ADIRF: variants seen among roughly 807,000 people sequenced by gnomAD.
The protein encoded by ADIRF is adipogenesis regulatory factor.
In ADIRF, 9 loss-of-function variants were observed where a neutral mutation model predicts 7.8. The ratio of observed to expected loss-of-function variants is 1.15; its 90% CI spans 0.70 to 2.01. The LOEUF (loss-of-function observed/expected upper bound fraction) is 2.01. Among genes scored for constraint, ADIRF ranks in the 30% most tolerant of loss-of-function variants. ADIRF has a pLI of 0.00. For missense variants in ADIRF, 106 were observed against 98.1 expected, an observed-to-expected ratio of 1.08 and a Z score of -0.34; for synonymous variants, 48 against 39.9, an observed-to-expected ratio of 1.20 and a Z score of -0.77.
At chr10:86,969,447 T>G (rs566683376) in intron 1 of ADIRF, 9 of 152,422 alleles carry the variant, frequency 5.9e-5, no homozygotes, top group East Asian at 3.9e-4. Context: ...TCAGCACACT[T>G]GCCTGACTAA....
Position 86,970,470 on chromosome 10 carries a change from C to A in ADIRF, c.125-6C>A, listed in dbSNP as rs1354135047. The A allele has an allele frequency of 6.2e-7, 1 of 1,611,190 alleles. No homozygotes were observed. Among genetic ancestry groups the A allele is most frequent in the Non-Finnish European group, 8.5e-7 (1 of 1,178,406 alleles). On this transcript the variant is annotated splice_region_variant and splice_polypyrimidine_tract_variant and intron_variant, in intron 2 of 2. Coordinates refer to ENST00000372013, the MANE Select transcript of ADIRF (RefSeq NM_006829.3). ...CTGACCTGCCCTCTCTCCCGCCCTT[C>A]CCCAGCCATGGACCAGCTGGCCAAG...
At chr10:86,970,330 G>C (rs1053028474) in intron 2 of ADIRF, 68 bp downstream of exon 2, 72 of 1,512,966 alleles carry the variant, frequency 4.8e-5, no homozygotes, top group Non-Finnish European at 6.3e-5. Context: ...ATCCCGGCTG[G>C]GGCCCAGGCA....
chr10:86,969,494 C>G (rs1172873473), intron 1 of ADIRF: 1 of 152,280 alleles, frequency 6.6e-6, no homozygotes, highest in Non-Finnish European at 1.5e-5. Flanking sequence ...AAGGCAGGCC[C>G]TTTCCTGTTC....
At chr10:86,970,318 C>A in intron 2 of ADIRF, 56 bp downstream of exon 2, 1 of 1,508,674 alleles carries the variant, frequency 6.6e-7, no homozygotes, top group Non-Finnish European at 8.9e-7. Flanking sequence ...ACTCCCCGCC[C>A]CATCCCGGCT....
At chr10:86,969,617 C>T (rs1589318326) in intron 1 of ADIRF, 1 of 152,290 alleles carries the variant, frequency 6.6e-6, no homozygotes, top group Non-Finnish European at 1.5e-5. Context: ...GATAGTCCGG[C>T]CTTGGAAGTT....
intron 2 of ADIRF, 73 bp from the exon 3 acceptor site, chr10:86,970,403 G>A (rs1309177434): frequency 6.6e-7 from 1 of 1,523,782 alleles, no homozygotes; most frequent in Admixed American, 1.9e-5. Context: ...GGGAGACCCA[G>A]GCCAGGCTAA....
At position 86,970,247 on chromosome 10, in the gene ADIRF, G is replaced by A; in HGVS notation, c.109G>A (p.Glu37Lys). The change falls in exon 2 of 3, where the codon GAG becomes AAG. Residue 37 changes from glutamate (E) to lysine (K), a missense_variant. Physicochemically the swap from Glu to Lys is moderately conservative, Grantham distance 56 (BLOSUM62 1). Transcript: ENST00000372013. ...AAQQVVDQAT[E>K]AGQKAMDQLA... is the part of the protein sequence containing the mutation. ...TCAGCAAGTGGTGGACCAGGCCACA[G>A]AGGCGGGGCAGAAAGGTCTGGTGGG... The A allele has an allele frequency of 6.8e-7, 1 of 1,460,296 alleles. No individual in the cohort carries two copies. Among genetic ancestry groups the A allele is most frequent in the Admixed American group, 2.7e-5 (1 of 36,406 alleles). The allele number at this position is 1,460,296 out of a possible 1,614,324, so 90.5% of individuals were successfully genotyped here.
intron 1 of ADIRF, chr10:86,968,812 C>A (rs943323265): frequency 4.1e-5 from 23 of 559,236 alleles, no homozygotes; most frequent in Middle Eastern, 4.7e-4. Context: ...GGAACAGAGG[C>A]TCCGGAGGAG....
rs368836654 is a variant in ADIRF at position 86,968,696 on chromosome 10, T to C, written c.61+91T>C. On this transcript the variant is annotated intron_variant, in intron 1 of 2. Coordinates refer to ENST00000372013, the MANE Select transcript of ADIRF (RefSeq NM_006829.3). ...CGGGTCGGCGCGGTCCGCAAGTTCC[T>C]GGACCGGCAGCTTGGCTCGGAAGGC... The C allele has an allele frequency of 2.1e-4, 306 of 1,454,698 alleles. 1 individual carries two copies. In the East Asian group the frequency reaches 2.7e-3, roughly 13 times the overall value. 90.1% of individuals were successfully genotyped at this position (1,454,698 alleles called of 1,614,324 possible).
Position 86,969,973 on chromosome 10 carries a change from G to A in ADIRF, c.62-227G>A, listed in dbSNP as rs964498777. 3 of 363,156 alleles carry A rather than the reference G, an allele frequency of 8.3e-6. No individual in the cohort carries two copies. The East Asian group carries it at 1.2e-4, about 15-fold the overall frequency. 22.5% of individuals were successfully genotyped at this position (363,156 alleles called of 1,614,324 possible). ...TGGAAAGGGAAGCTCCTCCCCCACA[G>A]AGAAGGAGCTCAGAGTTAGAAATAA... On this transcript the variant is annotated intron_variant, in intron 1 of 2. Transcript: ENST00000372013.
chr10:86,968,557 G>A lies in ADIRF; in HGVS notation c.13G>A (p.Gly5Ser), dbSNP rs1341089092. ...ATACCCCGAAGCCATGGCAAGCAAG[G>A]GCTTGCAGGACCTGAAGCAACAGGT... MASK[G>S]LQDLKQQVEG... is the part of the protein sequence containing the mutation. Residue 5 changes from glycine (G) to serine (S), a missense_variant, in exon 1 of 3, where the codon GGC (glycine) becomes AGC (serine). Coordinates refer to ENST00000372013, the MANE Select transcript of ADIRF (RefSeq NM_006829.3). 1.2e-6 allele frequency: 2 copies of A among 1,613,516 alleles called. No homozygotes were observed. Among genetic ancestry groups the A allele is most frequent in the Admixed American group, 1.7e-5 (1 of 59,992 alleles).
Position 86,970,899 on chromosome 10 carries a change from G to T in ADIRF, c.*317G>T, listed in dbSNP as rs1004607057. 1.5e-5 allele frequency: 7 copies of T among 455,462 alleles called. No homozygotes were observed. The highest frequency in any genetic ancestry group is 9.8e-5 in the South Asian group (6 of 60,920). The allele number at this position is 455,462 out of a possible 1,614,324, so 28.2% of individuals were successfully genotyped here. ...GCCTCCCGAAGCTCCCAGACCGGAGGCTCAGCCCCCATCTCGGTTAGTGCC... is the reference window on the plus strand; with the variant it reads ...GCCTCCCGAAGCTCCCAGACCGGAGTCTCAGCCCCCATCTCGGTTAGTGCC... On this transcript the variant is annotated 3_prime_UTR_variant, in exon 3 of 3. Coordinates refer to ENST00000372013, the MANE Select transcript of ADIRF (RefSeq NM_006829.3).
chr10:86,970,612 A>T lies in ADIRF; in HGVS notation c.*30A>T. 6.4e-7 allele frequency: 1 copy of T among 1,565,688 alleles called. No individual in the cohort carries two copies. Among genetic ancestry groups the T allele is most frequent in the Non-Finnish European group, 8.7e-7 (1 of 1,145,788 alleles). ...AGGGAGACTTGGGTCGGCCTCCTGA[A>T]ATGACAGCAGGGAGACTTGGGTGAC... On this transcript the variant is annotated 3_prime_UTR_variant, in exon 3 of 3. Transcript: ENST00000372013.
chr10:86,968,823 C>T lies in ADIRF; in HGVS notation c.61+218C>T. The stretch of plus-strand genomic sequence containing the variant: ...CAGCGGAACAGAGGCTCCGGAGGAG[C>T]CGGAGCTGCGCTGCGGGCACTGCGG... On this transcript the variant is annotated intron_variant, in intron 1 of 2. Coordinates refer to ENST00000372013, the MANE Select transcript of ADIRF (RefSeq NM_006829.3). The T allele has an allele frequency of 3.7e-6, 2 of 536,352 alleles. 1 individual carries two copies. The highest frequency in any genetic ancestry group is 5.1e-5 in the South Asian group (2 of 38,852). The allele number at this position is 536,352 out of a possible 1,614,324, so 33.2% of individuals were successfully genotyped here.
In ADIRF at chr10:86,970,183, A is replaced by G; in HGVS notation, c.62-17A>G. On this transcript the variant is annotated splice_polypyrimidine_tract_variant and intron_variant, in intron 1 of 2. Transcript: ENST00000372013. ...GGTGCCTCAACAGGGGCTAAAAGCC[A>G]CATCTCTCTGTTCCAGTGTCAGCGG... 1 of 1,440,488 alleles carries G rather than the reference A, an allele frequency of 6.9e-7. No individual in the cohort carries two copies. Among genetic ancestry groups the G allele is most frequent in the Non-Finnish European group, 9.1e-7 (1 of 1,093,128 alleles). 89.2% of individuals were successfully genotyped at this position (1,440,488 alleles called of 1,614,324 possible).
rs140365076 is a variant in ADIRF at position 86,970,516 on chromosome 10, C to G, written c.165C>G (p.Asp55Glu). ...QLAKTTQETIDKTANQASDTF... is the reference protein window; with the variant it reads ...QLAKTTQETIEKTANQASDTF... ...CCAAGACCACCCAGGAAACCATCGACAAGACTGCTAACCAGGCCTCTGACA... is the reference window on the plus strand; with the variant it reads ...CCAAGACCACCCAGGAAACCATCGAGAAGACTGCTAACCAGGCCTCTGACA... Residue 55 changes from aspartate to glutamate, a missense_variant, in exon 3 of 3, where the codon GAC (aspartate) becomes GAG (glutamate). Asp to Glu is a conservative substitution (Grantham distance 45, BLOSUM62 2). Transcript: ENST00000372013. 3.6e-5 allele frequency: 58 copies of G among 1,613,774 alleles called. No homozygotes were observed. In the African/African-American group the frequency reaches 7.2e-4, roughly 20 times the overall value.
intron 2 of ADIRF, 59 bp from the exon 3 acceptor site, chr10:86,970,417 T>C (rs1564741805): frequency 6.5e-7 from 1 of 1,542,714 alleles, no homozygotes. Context: ...AGGCTAAGCC[T>C]ACAGGCACTG....
At position 86,970,580 on chromosome 10, in the gene ADIRF, T is replaced by C; in HGVS notation, c.229T>C (p.Ter77ArgextTer18). 6.2e-7 allele frequency: 1 copy of C among 1,607,464 alleles called. No homozygotes were observed. Among genetic ancestry groups the C allele is most frequent in the Non-Finnish European group, 8.5e-7 (1 of 1,175,656 alleles). The change falls in exon 3 of 3, where the codon TGA becomes CGA. Residue 77 changes from the stop codon to arginine (R), a stop_lost. Transcript: ENST00000372013. Reference sequence around the variant, plus strand: ...TGGGAAAAAATTCGGCCTCCTGAAATGACAGCAGGGAGACTTGGGTCGGCC... The same window carrying C: ...TGGGAAAAAATTCGGCCTCCTGAAACGACAGCAGGGAGACTTGGGTCGGCC... ...GIGKKFGLLK[*>R]
In ADIRF at chr10:86,970,674, G is replaced by A; in HGVS notation, c.*92G>A. The stretch of plus-strand genomic sequence containing the variant: ...GCGCCATCTAGCACAGCCTGGCCCT[G>A]ATCTCCGGGCAGCCACCACCTCCTC... On this transcript the variant is annotated 3_prime_UTR_variant, in exon 3 of 3. Transcript: ENST00000372013. The A allele has an allele frequency of 4.5e-6, 5 of 1,110,356 alleles. No individual in the cohort carries two copies. The highest frequency in any genetic ancestry group is 6.7e-6 in the Non-Finnish European group (5 of 744,838). The allele number at this position is 1,110,356 out of a possible 1,614,324, so 68.8% of individuals were successfully genotyped here.
Sources: allele counts gnomAD v4.1 joint callset, GRCh38; gene constraint gnomAD v4.1.1; transcripts MANE v1.5; gene names NCBI Gene and HGNC (gene_info 2026-07-23, HGNC 2026-07-21).